Variants in CRYL1 observed in about 807,000 individuals in gnomAD.
The protein encoded by CRYL1 is crystallin lambda 1.
CRYL1 carries 29 observed loss-of-function variants against 36.6 expected under a neutral mutation model. The ratio of observed to expected loss-of-function variants is 0.79; its 90% confidence interval spans 0.59 to 1.08. The LOEUF is 1.08. Ranked by LOEUF, CRYL1 falls within the 50% of genes least tolerant of loss-of-function variation. The probability of loss-of-function intolerance (pLI) is 0.00; values close to 1 mark genes in which losing one functional copy is unlikely to be tolerated. For synonymous variants in CRYL1, 152 were observed against 151.5 expected (o/e 1.00, Z -0.02); for missense variants, 411 against 407.9 (o/e 1.01, Z -0.06).
chr13:20,517,181 T>A (rs2137517190), intron 1 of CRYL1, among the ~76,000 whole-genome samples: 1 of 152,292 alleles, frequency 6.6e-6, no homozygotes, highest in Non-Finnish European at 1.5e-5. Context: ...ACCCACCTTA[T>A]ATGGGTGTGC....
At chr13:20,429,832 A>G (rs550065163) in intron 5 of CRYL1, among the ~76,000 whole-genome samples, 26 of 152,182 alleles carry the variant, frequency 1.7e-4, no homozygotes, top group Non-Finnish European at 3.7e-4. Flanking sequence ...TTACCCTGAA[A>G]GCATCCTGGC....
At chr13:20,504,113 G>A (rs2033751281) in intron 2 of CRYL1, among the ~76,000 whole-genome samples, 1 of 152,098 alleles carries the variant, frequency 6.6e-6, no homozygotes, top group Non-Finnish European at 1.5e-5. Flanking sequence ...CTGGAGTTGG[G>A]GTGGTCACCA....
At chr13:20,430,514 T>C in intron 5 of CRYL1, 1 of 985,392 alleles carries the variant, frequency 1.0e-6, no homozygotes, top group Non-Finnish European at 1.2e-6. Flanking sequence ...GTGGACATCG[T>C]GAGTCAGCAG....
chr13:20,483,291 C>T (rs73163205), intron 3 of CRYL1, among the ~76,000 whole-genome samples: 13,650 of 152,110 alleles, frequency 0.09, 843 homozygotes, highest in Non-Finnish European at 0.14. Flanking sequence ...ACACATGAAT[C>T]CCAAATATGT....
chr13:20,501,248 GA>G, intron 2 of CRYL1, among the ~76,000 whole-genome samples: 1 of 152,294 alleles, frequency 6.6e-6, no homozygotes, highest in Non-Finnish European at 1.5e-5. Flanking sequence ...ACCACATTAT[GA>G]GGAAGGTATT....
chr13:20,480,860 C>G (rs1458720343), intron 3 of CRYL1, among the ~76,000 whole-genome samples: 1 of 152,114 alleles, frequency 6.6e-6, no homozygotes, highest in East Asian at 1.9e-4. Context: ...TTTTCAAGTC[C>G]TATTTGGTCA....
intron 3 of CRYL1, among the ~76,000 whole-genome samples, chr13:20,473,860 G>A (rs996988160): frequency 6.9e-6 from 1 of 144,958 alleles, no homozygotes; most frequent in African/African-American, 2.9e-5. Context: ...AACGTCTCAG[G>A]AAAGTACCAA....
chr13:20,519,737 C>G lies in CRYL1; in HGVS notation c.41+6017G>C, dbSNP rs183685199. The stretch of plus-strand genomic sequence containing the variant: ...TTTTACAAAACCAGAGAGGGATGAA[C>G]AATCTATAGATTGAAAGAGCTAAGA... On this transcript the variant is annotated intron_variant, in intron 1 of 7. Transcript: ENST00000298248. Among the ~76,000 whole-genome samples the G allele has an allele frequency of 7.7e-4, 117 of 152,168 alleles. 1 individual carries two copies. The highest frequency in any genetic ancestry group is 2.6e-3 in the African/African-American group (106 of 41,518).
At chr13:20,512,632 T>A in intron 1 of CRYL1, 82 bp from the exon 2 acceptor site, 3 of 962,654 alleles carry the variant, frequency 3.1e-6, no homozygotes, top group Admixed American at 2.3e-5. Flanking sequence ...GAGTTTTTTT[T>A]AAATTCACAG....
At chr13:20,455,530 A>G (rs1276781947) in intron 3 of CRYL1, among the ~76,000 whole-genome samples, 1 of 146,858 alleles carries the variant, frequency 6.8e-6, no homozygotes, top group Non-Finnish European at 1.5e-5. Context: ...AAGCTACATC[A>G]TAATCATGAA....
chr13:20,476,018 G>A (rs1369154856), intron 3 of CRYL1, among the ~76,000 whole-genome samples: 6 of 152,274 alleles, frequency 3.9e-5, no homozygotes, highest in Admixed American at 6.5e-5. Context: ...CGGCAGTTCC[G>A]GGGCAGGTCC....
At chr13:20,439,785 T>C in intron 3 of CRYL1, 31 bp from the exon 4 acceptor site, 1 of 1,603,928 alleles carries the variant, frequency 6.2e-7, no homozygotes, top group Non-Finnish European at 8.5e-7. Flanking sequence ...TGACTATTCA[T>C]GACCACTCGA....
intron 3 of CRYL1, among the ~76,000 whole-genome samples, chr13:20,440,452 G>C (rs1012503821): frequency 1.3e-5 from 2 of 152,232 alleles, no homozygotes; most frequent in African/African-American, 4.8e-5. Flanking sequence ...ACTCTGGAAA[G>C]TTGGAAAGCG....
intron 3 of CRYL1, among the ~76,000 whole-genome samples, chr13:20,456,823 A>T (rs1374340886): frequency 6.6e-6 from 1 of 151,818 alleles, no homozygotes; most frequent in Non-Finnish European, 1.5e-5. Context: ...TCTGGGAGAG[A>T]GTGGATATGG....
At chr13:20,477,086 G>T (rs187421933) in intron 3 of CRYL1, 1 of 152,236 alleles carries the variant, frequency 6.6e-6, no homozygotes, top group Non-Finnish European at 1.5e-5. Flanking sequence ...GCATGAACCC[G>T]GGAGGCAGAG....
At chr13:20,434,712 A>G (rs941682546) in intron 4 of CRYL1, among the ~76,000 whole-genome samples, 1 of 149,926 alleles carries the variant, frequency 6.7e-6, no homozygotes, top group African/African-American at 2.5e-5. Context: ...AAACCTTGCT[A>G]CCACTTACTC....
intron 5 of CRYL1, among the ~76,000 whole-genome samples, chr13:20,428,893 C>T (rs757300061): frequency 1.4e-4 from 21 of 152,150 alleles, no homozygotes; most frequent in South Asian, 2.1e-4. Flanking sequence ...CACCTGGCAC[C>T]TCTCCTACCC....
intron 1 of CRYL1, among the ~76,000 whole-genome samples, chr13:20,519,032 G>GT (rs2034050237): frequency 6.6e-6 from 1 of 152,194 alleles, no homozygotes; most frequent in South Asian, 2.1e-4. Context: ...ATCGCTGGCT[G>GT]TAAGTATCCA....
chr13:20,420,701 T>TTTTGTG, intron 5 of CRYL1, among the ~76,000 whole-genome samples: 641 of 21,872 alleles, frequency 0.029, 138 homozygotes, highest in African/African-American at 0.059. Flanking sequence ...AAAATAGAGG[T>TTTTGTG]TGTGTGTGTG....
Sources: gnomAD v4.1 joint callset for allele counts (sites outside exome capture counted in the v4.1 genomes callset) on GRCh38, gnomAD v4.1.1 for gene constraint, MANE v1.5 for transcripts, NCBI Gene and HGNC (gene_info 2026-07-23, HGNC 2026-07-21) for gene names.